The following PPIP5K2 variants were observed in gnomAD, a reference collection of about 807,000 sequenced individuals.
PPIP5K2 encodes the protein inositol hexakisphosphate and diphosphoinositol-pentakisphosphate kinase 2.
In PPIP5K2, 105 loss-of-function variants were observed where a neutral mutation model predicts 154.6. The observed-to-expected ratio is 0.68, with a 90% CI of 0.58 to 0.80. PPIP5K2 has a LOEUF of 0.80. PPIP5K2 is among the 30% of genes least tolerant of loss of function. The pLI, the probability that PPIP5K2 is intolerant of heterozygous loss-of-function variation, is 0.00. For missense variants in PPIP5K2, 992 were observed against 1,504.6 expected (o/e 0.66, Z 5.64); for synonymous variants, 480 against 490.3 (o/e 0.98, Z 0.28).
rs1797435478 is a variant in PPIP5K2, at chr5:103,168,261, T to A, written c.2252T>A (p.Leu751His). Residue 751 changes from leucine (L) to histidine (H), a missense_variant, in exon 19 of 31, where the codon CTT (leucine) becomes CAT (histidine). Physicochemically the swap from Leu to His is moderately conservative, Grantham distance 99. This residue lies in a region of PPIP5K2 where 157 missense variants were observed against 281.2 expected (regional missense o/e 0.56). Transcript: ENST00000358359. ...KLENTMELYR[L>H]SKALADIVIP... Reference sequence around the variant, plus strand: ...GAAAACACAATGGAATTATATAGGCTTTCGAAGGCATTAGCAGATATTGTT... The same window carrying A: ...GAAAACACAATGGAATTATATAGGCATTCGAAGGCATTAGCAGATATTGTT... 1 of 1,608,260 alleles carries A rather than the reference T, an allele frequency of 6.2e-7. No individual in the cohort carries two copies. The highest frequency in any genetic ancestry group is 1.3e-5 in the African/African-American group (1 of 74,656).
At position 103,131,699 on chromosome 5, in the gene PPIP5K2, T is replaced by C. The variant is rs138668916; in HGVS notation, c.115-1754T>C. 6.8e-3 allele frequency among the ~76,000 whole-genome samples: 1,028 copies of C among 152,294 alleles called. 7 individuals are homozygous for C. The highest frequency in any genetic ancestry group is 0.013 in the Non-Finnish European group (855 of 67,994). On this transcript the variant is annotated intron_variant, in intron 2 of 30. Coordinates refer to ENST00000358359, the MANE Select transcript of PPIP5K2 (RefSeq NM_001276277.3). ...TTATTTATTCCAGATCATTCTCCTG[T>C]TTTTAAGATTTCTCTCCTGTTTTTA...
intron 11 of PPIP5K2, 31 bp downstream of exon 11, chr5:103,153,965 A>G (rs1188362071): frequency 2.7e-6 from 4 of 1,465,692 alleles, no homozygotes; most frequent in Middle Eastern, 1.8e-4. Context: ...TTTAACATGC[A>G]TGATACAATT....
chr5:103,122,604 C>G (rs1179390027), intron 1 of PPIP5K2, among the ~76,000 whole-genome samples: 2 of 152,114 alleles, frequency 1.3e-5, no homozygotes, highest in Admixed American at 6.5e-5. Flanking sequence ...TTCCCTATTA[C>G]CTGGATGTAC....
Position 103,120,420 on chromosome 5 carries a change from G to C in PPIP5K2, c.-353G>C, listed in dbSNP as rs782520557. The C allele has an allele frequency of 1.3e-5, 6 of 456,722 alleles. No individual in the cohort carries two copies. Among genetic ancestry groups the C allele is most frequent in the South Asian group, 9.3e-5 (6 of 64,574 alleles). 28.3% of individuals were successfully genotyped at this position (456,722 alleles called of 1,614,324 possible). A position where few individuals can be genotyped will look rare whatever the true frequency, so the allele number is the denominator to read the frequency against. ...CTCACCCCTGCCTCCGGGATGAAAG[G>C]GGGTAACCTAGACCTGAATGGGCTT... On this transcript the variant is annotated 5_prime_UTR_variant, in exon 1 of 31. Transcript: ENST00000358359.
chr5:103,173,134 T>C, intron 19 of PPIP5K2, 21 bp from the exon 20 acceptor site: 1 of 1,561,144 alleles, frequency 6.4e-7, no homozygotes, highest in African/African-American at 1.4e-5. Context: ...CTTTTTCTAA[T>C]GTCATGTATT....
At chr5:103,192,941 C>T (rs1204014838) in intron 29 of PPIP5K2, among the ~76,000 whole-genome samples, 2 of 152,116 alleles carry the variant, frequency 1.3e-5, no homozygotes, top group Non-Finnish European at 2.9e-5. Context: ...TAATCTAGTT[C>T]ATTGGTCTTC....
chr5:103,151,436 T>G (rs1298594674), intron 9 of PPIP5K2, 62 bp downstream of exon 9: 1 of 1,326,414 alleles, frequency 7.5e-7, no homozygotes, highest in East Asian at 2.3e-5. Context: ...ACCAAATAAC[T>G]GTTAACATTA....
At chr5:103,139,667 C>A (rs1251913959) in intron 5 of PPIP5K2, among the ~76,000 whole-genome samples, 2 of 152,150 alleles carry the variant, frequency 1.3e-5, no homozygotes, top group African/African-American at 4.8e-5. Context: ...AATGTGACCT[C>A]ACCAAACAAA....
intron 21 of PPIP5K2, among the ~76,000 whole-genome samples, chr5:103,175,276 G>T (rs1420950839): frequency 6.6e-6 from 1 of 151,988 alleles, no homozygotes; most frequent in Non-Finnish European, 1.5e-5. Flanking sequence ...TCAAAGTTCT[G>T]TTCCAATTAA....
intron 30 of PPIP5K2, among the ~76,000 whole-genome samples, chr5:103,197,750 G>C (rs1275850547): frequency 1.3e-5 from 2 of 150,512 alleles, no homozygotes; most frequent in African/African-American, 4.9e-5. Context: ...TAATTTTTTT[G>C]TGTTTTTAGT....
At chr5:103,176,896 A>G in intron 21 of PPIP5K2, 1 of 1,449,250 alleles carries the variant, frequency 6.9e-7, no homozygotes, top group Non-Finnish European at 9.3e-7. Context: ...AGATGGAGGA[A>G]TGGTGAAGGA....
At chr5:103,158,616 A>C (rs1795770351) in intron 16 of PPIP5K2, 43 bp downstream of exon 16, 1 of 1,489,610 alleles carries the variant, frequency 6.7e-7, no homozygotes, top group Non-Finnish European at 9.0e-7. Context: ...TTTTTAATCT[A>C]ATATTGTATC....
At chr5:103,162,853 G>T (rs899306347) in intron 17 of PPIP5K2, among the ~76,000 whole-genome samples, 1 of 151,958 alleles carries the variant, frequency 6.6e-6, no homozygotes, top group African/African-American at 2.4e-5. Context: ...AGATAAAATT[G>T]ACTTTTGTGT....
Position 103,201,551 on chromosome 5 carries a change from C to A in PPIP5K2, c.3649C>A (p.Pro1217Thr). Residue 1217 changes from proline (P) to threonine (T), a missense_variant, in exon 31 of 31, where the codon CCT becomes ACT. By Grantham distance (38) the Pro-to-Thr change is conservative (BLOSUM62 -1). Coordinates refer to ENST00000358359, the MANE Select transcript of PPIP5K2 (RefSeq NM_001276277.3). Reference sequence around the variant, plus strand: ...AAGTGGACCTTCTAGTGCAGTTGTTCCTAATACCTCATCTCGGAAAAAGAA... The same window carrying A: ...AAGTGGACCTTCTAGTGCAGTTGTTACTAATACCTCATCTCGGAAAAAGAA... ...ATSGPSSAVV[P>T]NTSSRKKNIT... 1.9e-6 allele frequency: 3 copies of A among 1,603,498 alleles called. No individual in the cohort carries two copies. Among genetic ancestry groups the A allele is most frequent in the Non-Finnish European group, 2.5e-6 (3 of 1,176,526 alleles).
At chr5:103,180,222 A>G (rs372520545) in intron 24 of PPIP5K2, 34 bp downstream of exon 24, 30 of 1,474,790 alleles carry the variant, frequency 2.0e-5, no homozygotes, top group Non-Finnish European at 2.6e-5. Flanking sequence ...TTTTTCATAC[A>G]GTAAACTAAC....
chr5:103,131,175 G>C (rs187105868), intron 2 of PPIP5K2, among the ~76,000 whole-genome samples: 1 of 152,036 alleles, frequency 6.6e-6, no homozygotes. Context: ...TTACGTTGCT[G>C]TATATACAGT....
At chr5:103,186,061 TA>T (rs1387269624) in intron 26 of PPIP5K2, among the ~76,000 whole-genome samples, 1 of 152,110 alleles carries the variant, frequency 6.6e-6, no homozygotes, top group African/African-American at 2.4e-5. Context: ...TATATGGACA[TA>T]TTTTTTTTCT....
chr5:103,151,619 T>A (rs1161190240), intron 9 of PPIP5K2, among the ~76,000 whole-genome samples: 1 of 152,128 alleles, frequency 6.6e-6, no homozygotes, highest in African/African-American at 2.4e-5. Context: ...TATAACATGC[T>A]GATTATTAGT....
chr5:103,195,796 G>C (rs893772031), intron 30 of PPIP5K2, among the ~76,000 whole-genome samples: 8 of 152,096 alleles, frequency 5.3e-5, no homozygotes, highest in African/African-American at 1.7e-4. Context: ...CCAAGGCTTT[G>C]ACAACAGCCT....
Sources: gnomAD v4.1 joint callset for allele counts (sites outside exome capture counted in the v4.1 genomes callset) on GRCh38, gnomAD v4.1.1 for gene constraint, gnomAD v4.1.1 regional missense constraint, MANE v1.5 for transcripts, NCBI Gene and HGNC (gene_info 2026-07-23, HGNC 2026-07-21) for gene names.